HTRA3: variants seen among roughly 807,000 people sequenced by gnomAD.
The protein encoded by HTRA3 is serine protease HTRA3.
A neutral mutation model predicts 43.2 loss-of-function variants in HTRA3; 41 were observed. That is an observed-to-expected ratio of 0.95 (90% CI 0.74 to 1.23). HTRA3 has a LOEUF of 1.23. HTRA3 is among the 50% of genes most tolerant of loss of function. The pLI, the probability that HTRA3 is intolerant of heterozygous loss-of-function variation, is 0.00. For synonymous variants in HTRA3, 295 were observed against 287.9 expected, an observed-to-expected ratio of 1.02 and a Z score of -0.25; for missense variants, 628 against 647.1, an observed-to-expected ratio of 0.97 and a Z score of 0.32.
chr4:8,291,646 G>A lies in HTRA3; in HGVS notation c.903+82G>A, dbSNP rs906874825. 2.8e-6 allele frequency: 3 copies of A among 1,073,736 alleles called. No individual in the cohort carries two copies. In the East Asian group the frequency reaches 7.8e-5, roughly 28 times the overall value. The allele number at this position is 1,073,736 out of a possible 1,614,324, so 66.5% of individuals were successfully genotyped here. A position where few individuals can be genotyped will look rare whatever the true frequency, so the allele number is the denominator to read the frequency against. On this transcript the variant is annotated intron_variant, in intron 4 of 8. Transcript: ENST00000307358. ...CTCGAGGTGGTCTCTGACTCGGCTT[G>A]CCCCCCTCCCCAGAGCCATTCTGGC...
At position 8,295,354 on chromosome 4, in the gene HTRA3, A is replaced by C; in HGVS notation, c.1051+1153A>C. 6.8e-6 allele frequency among the ~76,000 whole-genome samples: 1 copy of C among 146,200 alleles called. No homozygotes were observed. The highest frequency in any genetic ancestry group is 2.5e-5 in the African/African-American group (1 of 39,266). On this transcript the variant is annotated intron_variant, in intron 6 of 8. Transcript: ENST00000307358. The surrounding 1 kb of genome is among the most constrained non-coding windows in gnomAD (Gnocchi z 6.9). Reference sequence around the variant, plus strand: ...TCCAAGCCCCCATTTCCTTGCCCCCATTTCCTCACCCCATCAAAAAGGGAT... The same window carrying C: ...TCCAAGCCCCCATTTCCTTGCCCCCCTTTCCTCACCCCATCAAAAAGGGAT...
intron 6 of HTRA3, among the ~76,000 whole-genome samples, chr4:8,301,533 TTTA>T (rs1224958772): frequency 2.6e-5 from 4 of 152,218 alleles, no homozygotes; most frequent in Admixed American, 2.6e-4. Flanking sequence ...CACACTCAAC[TTTA>T]TTATTGATTC....
At chr4:8,284,520 G>A (rs1353028073) in intron 2 of HTRA3, among the ~76,000 whole-genome samples, 1 of 152,254 alleles carries the variant, frequency 6.6e-6, no homozygotes, top group Admixed American at 6.5e-5. Flanking sequence ...CCCCTGACCT[G>A]AGGTCTGAGT....
chr4:8,301,559 A>AT (rs1268600429), intron 6 of HTRA3, among the ~76,000 whole-genome samples: 2 of 151,640 alleles, frequency 1.3e-5, no homozygotes, highest in Admixed American at 6.6e-5. Flanking sequence ...ACTTTTAATT[A>AT]TTTTTTTTCT....
Position 8,296,118 on chromosome 4 carries a change from G to T in HTRA3, c.1051+1917G>T. 1 of 1,004,600 alleles carries T rather than the reference G, an allele frequency of 1.0e-6. No homozygotes were observed. The highest frequency in any genetic ancestry group is 1.2e-6 in the Non-Finnish European group (1 of 842,980). The allele number at this position is 1,004,600 out of a possible 1,614,324, so 62.2% of individuals were successfully genotyped here. A position where few individuals can be genotyped will look rare whatever the true frequency, so the allele number is the denominator to read the frequency against. ...ACTTTGGCCTCCTTACTGGAAATTAGCGGAGCTGCTGTTTGCACACACTGA... is the reference window on the plus strand; with the variant it reads ...ACTTTGGCCTCCTTACTGGAAATTATCGGAGCTGCTGTTTGCACACACTGA... On this transcript the variant is annotated intron_variant, in intron 6 of 8. Coordinates refer to ENST00000307358, the MANE Select transcript of HTRA3 (RefSeq NM_053044.5). The surrounding 1 kb of genome is among the most constrained non-coding windows in gnomAD (Gnocchi z 5.3).
intron 6 of HTRA3, among the ~76,000 whole-genome samples, chr4:8,294,566 ATCCGTCCGTCCGTCCG>A (rs140885403): frequency 1.7e-5 from 1 of 60,040 alleles, no homozygotes; most frequent in Non-Finnish European, 3.1e-5. Context: ...CTTTCCTTCT[ATCCGTCCGTCCGTCCG>A]TCCATCCATC....
At chr4:8,302,379 C>T in intron 6 of HTRA3, 84 bp from the exon 7 acceptor site, 1 of 1,294,490 alleles carries the variant, frequency 7.7e-7, no homozygotes, top group South Asian at 1.2e-5. Context: ...TGCAGGGGAA[C>T]TTCTGTCCTC....
chr4:8,280,152 G>A (rs1308081789), intron 1 of HTRA3, among the ~76,000 whole-genome samples: 1 of 152,138 alleles, frequency 6.6e-6, no homozygotes, highest in African/African-American at 2.4e-5. Context: ...GGAGTTGGTG[G>A]CCCGACAAAG....
intron 3 of HTRA3, 78 bp from the exon 4 acceptor site, chr4:8,291,292 G>A: frequency 7.8e-7 from 1 of 1,283,748 alleles, no homozygotes; most frequent in Non-Finnish European, 1.1e-6. Flanking sequence ...GGACCCCCCT[G>A]CCAGGATCTG....
At chr4:8,288,345 C>T (rs1713079023) in intron 3 of HTRA3, among the ~76,000 whole-genome samples, 1 of 152,166 alleles carries the variant, frequency 6.6e-6, no homozygotes, top group Admixed American at 6.5e-5. Context: ...GTCATCTCGG[C>T]TCACCACAAC....
intron 1 of HTRA3, among the ~76,000 whole-genome samples, chr4:8,274,171 C>T (rs1712423086): frequency 6.6e-6 from 1 of 152,254 alleles, no homozygotes; most frequent in South Asian, 2.1e-4. Flanking sequence ...GTCCCCTCAT[C>T]CCCTGTGCTC....
At chr4:8,273,316 G>C (rs1403462540) in intron 1 of HTRA3, among the ~76,000 whole-genome samples, 1 of 152,128 alleles carries the variant, frequency 6.6e-6, no homozygotes, top group African/African-American at 2.4e-5. Context: ...CCCTCCCGAG[G>C]TCCCAGCCAG....
rs1011958865 is a variant in HTRA3 at position 8,306,083 on chromosome 4, C to T, written c.1309C>T (p.Arg437Trp). Residue 437 changes from arginine (R) to tryptophan (W), a missense_variant, in exon 9 of 9, where the codon CGG (arginine) becomes TGG (tryptophan). Arg to Trp is a moderately radical substitution (Grantham distance 101). Transcript: ENST00000307358. This position sits in a 1 kb window ranked among gnomAD's most constrained non-coding sequence, Gnocchi z 8.9. ...CGAGTCTCCTCTCCTACTGGAGGTG[C>T]GGCGGGGGAACGACGACCTCCTCTT... The part of the protein sequence containing the change: ...LTESPLLLEV[R>W]RGNDDLLFSI... 33 of 1,609,236 alleles carry T rather than the reference C, an allele frequency of 2.1e-5. No homozygotes were observed. The highest frequency in any genetic ancestry group is 4.0e-5 in the African/African-American group (3 of 74,704).
intron 1 of HTRA3, among the ~76,000 whole-genome samples, chr4:8,272,884 G>A (rs7660840): frequency 9.0e-4 from 137 of 152,222 alleles, no homozygotes; most frequent in African/African-American, 2.7e-3. Context: ...CCAGGGCGCC[G>A]TTCACACTGT....
At chr4:8,299,224 A>G (rs1295753292) in intron 6 of HTRA3, among the ~76,000 whole-genome samples, 1 of 152,164 alleles carries the variant, frequency 6.6e-6, no homozygotes, top group Non-Finnish European at 1.5e-5. Context: ...TTTATTCATA[A>G]GTATTTCTTA....
At chr4:8,272,889 C>T (rs972521286) in intron 1 of HTRA3, among the ~76,000 whole-genome samples, 2 of 152,226 alleles carry the variant, frequency 1.3e-5, no homozygotes, top group Non-Finnish European at 2.9e-5. Context: ...GCGCCGTTCA[C>T]ACTGTGGGCG....
At chr4:8,298,186 G>A (rs886824630) in intron 6 of HTRA3, among the ~76,000 whole-genome samples, 1 of 152,234 alleles carries the variant, frequency 6.6e-6, no homozygotes, top group African/African-American at 2.4e-5. Flanking sequence ...ACTAACGGCA[G>A]ATCACGTCTG....
intron 2 of HTRA3, among the ~76,000 whole-genome samples, chr4:8,285,827 C>CCAGG (rs1664091996): frequency 6.6e-6 from 1 of 152,248 alleles, no homozygotes; most frequent in Admixed American, 6.5e-5. Flanking sequence ...CTCGGGGTGT[C>CCAGG]CAGGGCTCGG....
intron 6 of HTRA3, among the ~76,000 whole-genome samples, chr4:8,301,332 TCA>T (rs1456287193): frequency 6.6e-6 from 1 of 152,096 alleles, no homozygotes; most frequent in Non-Finnish European, 1.5e-5. Flanking sequence ...TATTATTGAG[TCA>T]CACTCTCAGC....
Sources: gnomAD v4.1 joint callset for allele counts (sites outside exome capture counted in the v4.1 genomes callset) on GRCh38, gnomAD v4.1.1 for gene constraint, Gnocchi (gnomAD v3.1) non-coding constraint, MANE v1.5 for transcripts, NCBI Gene and HGNC (gene_info 2026-07-23, HGNC 2026-07-21) for gene names.